The following CHD8 variants were observed in gnomAD, a reference collection of about 807,000 sequenced individuals.
CHD8 encodes chromodomain helicase DNA binding protein 8, also known as ATP-dependent chromatin remodeler CHD8.
Under a neutral mutation model 279.2 loss-of-function variants are expected in CHD8, and 31 were observed. That is an observed-to-expected ratio of 0.11 (90% CI 0.08 to 0.15). The LOEUF is 0.15. CHD8 is among the 10% of genes least tolerant of loss of function. CHD8 has a pLI of 1.00. For synonymous variants in CHD8, 1,081 were observed against 1,139.6 expected (o/e 0.95, Z 1.04); for missense variants, 2,146 against 3,230.5 (o/e 0.66, Z 8.14).
chr14:21,412,964 C>T lies in CHD8; in HGVS notation c.2175G>A (p.Glu725=). The change falls in exon 10 of 38, where the codon GAG becomes GAA. Residue 725 remains glutamate (E), a synonymous_variant. Coordinates refer to ENST00000646647, the MANE Select transcript of CHD8 (RefSeq NM_001170629.2). ...GAGACTCATCCAATATCCTATCCACCTCTACGTAGTCTGGATTAAAGGGCT... is the reference window on the plus strand; with the variant it reads ...GAGACTCATCCAATATCCTATCCACTTCTACGTAGTCTGGATTAAAGGGCT... The part of the protein sequence containing the change: ...DEEPFNPDYV[E]VDRILDESHS... 1 of 1,611,006 alleles carries T rather than the reference C, an allele frequency of 6.2e-7. No individual in the cohort carries two copies. Among genetic ancestry groups the T allele is most frequent in the Non-Finnish European group, 8.5e-7 (1 of 1,177,430 alleles).
chr14:21,407,252 A>C (rs1888290912), intron 13 of CHD8, among the ~76,000 whole-genome samples: 1 of 152,078 alleles, frequency 6.6e-6, no homozygotes, highest in Admixed American at 6.5e-5. Flanking sequence ...AAAATGACAG[A>C]CTCACTGAAT....
chr14:21,390,225 G>C (rs1887464653), intron 37 of CHD8, among the ~76,000 whole-genome samples: 1 of 152,080 alleles, frequency 6.6e-6, no homozygotes, highest in African/African-American at 2.4e-5. Flanking sequence ...GACAGAGTGA[G>C]ACCATGTCTC....
In CHD8 at chr14:21,385,502, A is replaced by G; in HGVS notation, c.*111T>C. The G allele has an allele frequency of 7.4e-7, 1 of 1,348,532 alleles. No homozygotes were observed. 83.5% of individuals were successfully genotyped at this position (1,348,532 alleles called of 1,614,324 possible). ...TTTTTTTTTCCTTTTCACCTCCTGG[A>G]GTCCTGGACTTCCCCACATCTCCCC... On this transcript the variant is annotated 3_prime_UTR_variant, in exon 38 of 38. Transcript: ENST00000646647.
intron 1 of CHD8, among the ~76,000 whole-genome samples, chr14:21,437,602 G>C (rs998886968): frequency 5.9e-5 from 9 of 152,152 alleles, no homozygotes; most frequent in African/African-American, 2.2e-4. Flanking sequence ...CGCTAGGCCA[G>C]CTCCGCCTCC....
chr14:21,414,624 G>T (rs1888638435), intron 8 of CHD8: 4 of 591,854 alleles, frequency 6.8e-6, no homozygotes, highest in Non-Finnish European at 1.2e-5. Context: ...TTTTTAAAAA[G>T]CACCCAAGTA....
At chr14:21,393,400 G>C in intron 32 of CHD8, 76 bp downstream of exon 32, 1 of 1,498,384 alleles carries the variant, frequency 6.7e-7, no homozygotes, top group Non-Finnish European at 8.9e-7. Flanking sequence ...TCTCTCAAGA[G>C]GATGCATTTA....
chr14:21,455,401 T>C (rs1890363000), intron 1 of CHD8, among the ~76,000 whole-genome samples: 2 of 152,138 alleles, frequency 1.3e-5, no homozygotes, highest in South Asian at 2.1e-4. Flanking sequence ...GTTTACATAA[T>C]GCAACGGAAA....
rs1398155092 is a variant in CHD8, at chr14:21,385,957, C to G, written c.7402G>C (p.Ala2468Pro). 2 of 1,559,980 alleles carry G rather than the reference C, an allele frequency of 1.3e-6. No homozygotes were observed. The highest frequency in any genetic ancestry group is 1.7e-6 in the Non-Finnish European group (2 of 1,151,342). Residue 2468 changes from alanine (A) to proline (P), a missense_variant, in exon 38 of 38, where the codon GCA becomes CCA. Around this residue, in one of 26 missense-constraint regions of CHD8, gnomAD observed 336 missense variants for 392.9 expected, o/e 0.86. Transcript: ENST00000646647. Reference sequence around the variant, plus strand: ...ACAAATGGCATAAAAGGCAAAGATGCAGAAGTGGCACTGCTGTGACCCAAA... The same window carrying G: ...ACAAATGGCATAAAAGGCAAAGATGGAGAAGTGGCACTGCTGTGACCCAAA... Reference protein sequence around the residue: ...SSLGHSSATSASLPFMPFVMG... With the variant: ...SSLGHSSATSPSLPFMPFVMG...
chr14:21,437,373 G>C (rs911068462), intron 1 of CHD8: 1 of 596,682 alleles, frequency 1.7e-6, no homozygotes, highest in South Asian at 3.7e-5. Flanking sequence ...GGACTATAAG[G>C]AGCTCCCTTC....
chr14:21,443,871 A>AC (rs1169245584), intron 1 of CHD8, among the ~76,000 whole-genome samples: 2 of 151,908 alleles, frequency 1.3e-5, no homozygotes, highest in African/African-American at 2.4e-5. Flanking sequence ...AAAAAAAAAA[A>AC]AAAAAAAACA....
rs1412805872 is a variant in CHD8, at chr14:21,400,860, A to G, written c.4370+15T>C. 1.3e-6 allele frequency: 2 copies of G among 1,591,204 alleles called. No homozygotes were observed. Among genetic ancestry groups the G allele is most frequent in the Admixed American group, 1.8e-5 (1 of 55,748 alleles). On this transcript the variant is annotated intron_variant, in intron 22 of 37. Transcript: ENST00000646647. The surrounding 1 kb of genome is among the most constrained non-coding windows in gnomAD (Gnocchi z 4.2). ...TGCACTATGCACTACCTCTAATGGT[A>G]AGTTGGGGTCTTACCCATATACCAG...
At chr14:21,417,029 G>A (rs1888753843) in intron 5 of CHD8, among the ~76,000 whole-genome samples, 1 of 151,882 alleles carries the variant, frequency 6.6e-6, no homozygotes, top group Admixed American at 6.6e-5. Flanking sequence ...GAACCCGGGG[G>A]GTGGAGGTTG....
intron 1 of CHD8, among the ~76,000 whole-genome samples, chr14:21,451,962 C>A (rs1890266927): frequency 6.6e-6 from 1 of 152,132 alleles, no homozygotes; most frequent in Non-Finnish European, 1.5e-5. Context: ...TTTAGAGTTT[C>A]ATTTAAAGTT....
rs761753935 is a variant in CHD8, at chr14:21,390,963, G to C, written c.7166C>G (p.Ser2389Cys). The C allele has an allele frequency of 6.3e-7, 1 of 1,591,232 alleles. No homozygotes were observed. The highest frequency in any genetic ancestry group is 8.6e-7 in the Non-Finnish European group (1 of 1,163,924). ...LGMEPVQTANSRNGKKGHHTE... is the reference protein window; with the variant it reads ...LGMEPVQTANCRNGKKGHHTE... ...TTCTCTCACCTTTTTCCCATTTCTAGAGTTAGCTGTCTGTACTGGTTCCAT... is the reference window on the plus strand; with the variant it reads ...TTCTCTCACCTTTTTCCCATTTCTACAGTTAGCTGTCTGTACTGGTTCCAT... The change falls in exon 37 of 38, where the codon TCT (serine) becomes TGT (cysteine). Residue 2389 changes from serine (S) to cysteine (C), a missense_variant. By Grantham distance (112) the Ser-to-Cys change is moderately radical. This residue lies in a region of CHD8 where 336 missense variants were observed against 392.9 expected (regional missense o/e 0.86). Transcript: ENST00000646647.
chr14:21,452,964 C>A lies in CHD8; in HGVS notation c.-216+3068G>T, dbSNP rs1812621286. Among the ~76,000 whole-genome samples the A allele has an allele frequency of 1.3e-5, 2 of 149,640 alleles. 1 individual carries two copies. Among genetic ancestry groups the A allele is most frequent in the African/African-American group, 5.0e-5 (2 of 39,976 alleles). Reference sequence around the variant, plus strand: ...CACCACTGCATTCCTGCCTGGGTGACACAGCGAGACTCCATCTCAAAAAAA... The same window carrying A: ...CACCACTGCATTCCTGCCTGGGTGAAACAGCGAGACTCCATCTCAAAAAAA... On this transcript the variant is annotated intron_variant, in intron 1 of 37. Transcript: ENST00000646647.
intron 1 of CHD8, among the ~76,000 whole-genome samples, chr14:21,443,023 A>T (rs1422499444): frequency 6.6e-6 from 1 of 152,174 alleles, no homozygotes; most frequent in Non-Finnish European, 1.5e-5. Context: ...AAAACTTCAG[A>T]TTTTCCAAAA....
intron 5 of CHD8, among the ~76,000 whole-genome samples, chr14:21,417,865 AATAT>A (rs61023144): frequency 4.0e-4 from 39 of 98,372 alleles, no homozygotes; most frequent in Middle Eastern, 5.4e-3. Flanking sequence ...AAAAAAAAAA[AATAT>A]ATATATATAT....
At chr14:21,404,672 A>G (rs2139473463) in intron 16 of CHD8, 1 of 153,312 alleles carries the variant, frequency 6.5e-6, no homozygotes, top group African/African-American at 2.4e-5. Context: ...TTCCTGCCTC[A>G]GCCTCCTAAG....
intron 1 of CHD8, among the ~76,000 whole-genome samples, chr14:21,454,683 A>G (rs1027687573): frequency 1.3e-5 from 2 of 152,150 alleles, no homozygotes; most frequent in African/African-American, 4.8e-5. Flanking sequence ...TTTGGCCAAT[A>G]TCTTTCACTT....
Sources: allele counts gnomAD v4.1 joint callset (sites outside exome capture counted in the v4.1 genomes callset), GRCh38; gene constraint gnomAD v4.1.1; regional missense constraint gnomAD v4.1.1; non-coding constraint Gnocchi (gnomAD v3.1); transcripts MANE v1.5; gene names NCBI Gene and HGNC (gene_info 2026-07-23, HGNC 2026-07-21).